The following ZMYM1 variants were observed in gnomAD, a reference collection of about 807,000 sequenced individuals.
ZMYM1 encodes zinc finger MYM-type protein 1.
ZMYM1 carries 39 observed loss-of-function variants against 60.0 expected under a neutral mutation model. The observed-to-expected ratio is 0.65, with a 90% CI of 0.50 to 0.85. The LOEUF is 0.85. Among genes scored for constraint, ZMYM1 ranks in the 40% least tolerant of loss-of-function variants. ZMYM1 has a pLI of 0.00. For missense variants in ZMYM1, 1,171 were observed against 1,309.5 expected (o/e 0.89, Z 1.63); for synonymous variants, 413 against 454.0 (o/e 0.91, Z 1.15).
intron 7 of ZMYM1, among the ~76,000 whole-genome samples, chr1:35,111,348 T>C (rs1264138565): frequency 6.6e-6 from 1 of 152,172 alleles, no homozygotes; most frequent in African/African-American, 2.4e-5. Flanking sequence ...TTACAGAAAT[T>C]TCTGCAATAG....
At chr1:35,077,710 C>A (rs1642191200), upstream of ZMYM1, among the ~76,000 whole-genome samples, 1 of 152,178 alleles carries the variant, frequency 6.6e-6, no homozygotes, top group Admixed American at 6.5e-5. Context: ...TCATCTCCTA[C>A]CTAACCAATC....
At chr1:35,091,731 CAAA>C (rs755636348) in intron 1 of ZMYM1, among the ~76,000 whole-genome samples, 1 of 108,032 alleles carries the variant, frequency 9.3e-6, no homozygotes. Flanking sequence ...ACCTTCTCTA[CAAA>C]AAAAAAAAAA....
chr1:35,089,846 C>T (rs1157228158), intron 1 of ZMYM1, among the ~76,000 whole-genome samples: 7 of 135,548 alleles, frequency 5.2e-5, no homozygotes, highest in East Asian at 2.2e-4. Flanking sequence ...CCCAGGTTCA[C>T]GCCATTCTCC....
chr1:35,060,176 A>ATTTTTATTT (rs1553135163), intron 1 of ZMYM1, among the ~76,000 whole-genome samples: 1 of 148,752 alleles, frequency 6.7e-6, no homozygotes, highest in African/African-American at 2.5e-5. Flanking sequence ...TATTATTATT[A>ATTTTTATTT]TTATTATTTT....
intron 1 of ZMYM1, among the ~76,000 whole-genome samples, chr1:35,085,264 A>G (rs146106737): frequency 0.031 from 4,721 of 151,952 alleles, 256 homozygotes; most frequent in African/African-American, 0.11. Flanking sequence ...AGCCAGGATG[A>G]TCTCGATCTC....
chr1:35,077,242 C>T (rs909501236), upstream of ZMYM1, among the ~76,000 whole-genome samples: 2 of 152,094 alleles, frequency 1.3e-5, no homozygotes, highest in Non-Finnish European at 2.9e-5. Flanking sequence ...TTAGTAATGA[C>T]GATGAAACCA....
chr1:35,062,832 G>A (rs1641899865), intron 1 of ZMYM1, among the ~76,000 whole-genome samples: 1 of 152,220 alleles, frequency 6.6e-6, no homozygotes. Context: ...AGTAAGAACA[G>A]CTTGATCCAC....
chr1:35,088,805 C>CTTTTTTTTTTTTTTTTTTTTTTTT (rs375136566), intron 1 of ZMYM1, among the ~76,000 whole-genome samples: 2 of 119,614 alleles, frequency 1.7e-5, no homozygotes, highest in Non-Finnish European at 1.6e-5. Flanking sequence ...GGATGCTTTC[C>CTTTTTTTTTTTTTTTTTTTTTTTT]TTTTTTTTTT....
chr1:35,104,188 T>C (rs1643801849), intron 4 of ZMYM1, 107 bp from the exon 5 acceptor site: 1 of 1,063,462 alleles, frequency 9.4e-7, no homozygotes, highest in East Asian at 2.6e-5. Flanking sequence ...GGTTTTCTTA[T>C]TTCAAGGCTA....
intron 6 of ZMYM1, among the ~76,000 whole-genome samples, chr1:35,110,010 A>G (rs554674413): frequency 6.6e-6 from 1 of 152,140 alleles, no homozygotes; most frequent in South Asian, 2.1e-4. Context: ...GGCCTCCCAA[A>G]GTGCTGGGAT....
Position 35,113,936 on chromosome 1 carries a change from G to T in ZMYM1, c.2106G>T (p.Gln702His). The T allele has an allele frequency of 6.2e-7, 1 of 1,613,926 alleles. No individual in the cohort carries two copies. Among genetic ancestry groups the T allele is most frequent in the Non-Finnish European group, 8.5e-7 (1 of 1,179,908 alleles). ...HLHRTIKTYLQQIGVDMDKIH... is the reference protein window; with the variant it reads ...HLHRTIKTYLHQIGVDMDKIH... ...ATAGGACTATCAAAACTTATCTGCA[G>T]CAAATTGGAGTTGATATGGATAAAA... Residue 702 changes from glutamine (Q) to histidine (H), a missense_variant, in exon 10 of 10, where the codon CAG becomes CAT. Gln to His is a conservative substitution (Grantham distance 24, BLOSUM62 0). Coordinates refer to ENST00000359858, the MANE Select transcript of ZMYM1 (RefSeq NM_024772.5).
At chr1:35,083,166 T>C (rs944376702) in intron 1 of ZMYM1, among the ~76,000 whole-genome samples, 5 of 151,038 alleles carry the variant, frequency 3.3e-5, no homozygotes, top group African/African-American at 1.2e-4. Flanking sequence ...TTTCTTTTTT[T>C]TTTTTAAGAC....
rs1211513500 is a variant in ZMYM1 at position 35,097,221 on chromosome 1, C to A, written c.170-96C>A. 2.5e-5 allele frequency: 35 copies of A among 1,389,010 alleles called. No individual in the cohort carries two copies. In the Admixed American group the frequency reaches 7.8e-4, roughly 31 times the overall value. The allele number at this position is 1,389,010 out of a possible 1,614,324, so 86.0% of individuals were successfully genotyped here. A position where few individuals can be genotyped will look rare whatever the true frequency, so the allele number is the denominator to read the frequency against. On this transcript the variant is annotated intron_variant, in intron 3 of 9. Transcript: ENST00000359858. ...TGCAAAAGAGGGCAACAGAACAAGA[C>A]CCTGTCTCTAAAAAAAGAAAGAAAG...
At chr1:35,076,072 A>G (rs1642160943), upstream of ZMYM1, among the ~76,000 whole-genome samples, 1 of 152,178 alleles carries the variant, frequency 6.6e-6, no homozygotes, top group Admixed American at 6.5e-5. Context: ...ACCCTGAAAA[A>G]GCAACTCTTT....
chr1:35,118,712 A>G (rs952938326), downstream of ZMYM1, among the ~76,000 whole-genome samples: 4 of 152,208 alleles, frequency 2.6e-5, no homozygotes, highest in African/African-American at 9.7e-5. Flanking sequence ...ATCTCAAAAA[A>G]AAAATCGAGG....
In ZMYM1 at chr1:35,088,442, ATATATATATATATG is replaced by A. The variant is rs1410966181; in HGVS notation, c.-74-5470_-74-5457del. 2.8e-5 allele frequency among the ~76,000 whole-genome samples: 3 copies of A among 108,948 alleles called. 1 individual carries two copies. The highest frequency in any genetic ancestry group is 4.2e-5 in the African/African-American group (1 of 24,000). The allele number at this position is 108,948 out of a possible 152,430, so 71.5% of individuals were successfully genotyped here. Reference sequence around the variant, plus strand: ...CAAAAATGTGTTTATGTGTATATATATATATATATATATGTGTGTGTGTGTGTGTGTGTGTGTGT... The same window carrying A: ...CAAAAATGTGTTTATGTGTATATATATGTGTGTGTGTGTGTGTGTGTGTGT... On this transcript the variant is annotated intron_variant, in intron 1 of 9. Coordinates refer to ENST00000359858, the MANE Select transcript of ZMYM1 (RefSeq NM_024772.5).
intron 9 of ZMYM1, 35 bp from the exon 10 acceptor site, chr1:35,112,942 A>G (rs1448470960): frequency 6.9e-7 from 1 of 1,458,706 alleles, no homozygotes; most frequent in African/African-American, 1.4e-5. Context: ...ATTTTTGAAA[A>G]CTGTTAAATG....
chr1:35,072,771 A>G (rs1642089574), intron 1 of ZMYM1, among the ~76,000 whole-genome samples: 1 of 151,890 alleles, frequency 6.6e-6, no homozygotes, highest in African/African-American at 2.4e-5. Context: ...AACATAGTGA[A>G]ACCCCATCTC....
At chr1:35,117,293 G>A (rs139962577), downstream of ZMYM1, among the ~76,000 whole-genome samples, 49 of 151,922 alleles carry the variant, frequency 3.2e-4, no homozygotes, top group Admixed American at 1.6e-3. Flanking sequence ...AATATTCTCA[G>A]TATCTTCTAT....
Sources: allele counts gnomAD v4.1 joint callset (sites outside exome capture counted in the v4.1 genomes callset), GRCh38; gene constraint gnomAD v4.1.1; transcripts MANE v1.5; gene names NCBI Gene and HGNC (gene_info 2026-07-23, HGNC 2026-07-21).